The following EPS15 variants were observed in gnomAD, a reference collection of about 807,000 sequenced individuals.
EPS15 encodes the protein epidermal growth factor receptor pathway substrate 15.
A neutral mutation model predicts 113.8 loss-of-function variants in EPS15; 72 were observed. That is an observed-to-expected ratio of 0.63 (90% confidence interval 0.52 to 0.77). EPS15 has a LOEUF of 0.77. Ranked by LOEUF, EPS15 falls within the 30% of genes least tolerant of loss-of-function variation. The pLI is 0.00. For synonymous variants in EPS15, 344 were observed against 363.4 expected, an observed-to-expected ratio of 0.95 and a Z score of 0.61; for missense variants, 1,048 against 1,045.8, an observed-to-expected ratio of 1.00 and a Z score of -0.03.
At chr1:51,378,850 A>G (rs967249434) in intron 21 of EPS15, among the ~76,000 whole-genome samples, 1 of 152,036 alleles carries the variant, frequency 6.6e-6, no homozygotes, top group Middle Eastern at 3.4e-3. Context: ...GTTTGAGGGG[A>G]AAAAAAAGAA....
intron 8 of EPS15, among the ~76,000 whole-genome samples, chr1:51,453,286 A>G (rs1237734981): frequency 6.6e-6 from 1 of 152,242 alleles, no homozygotes; most frequent in Non-Finnish European, 1.5e-5. Flanking sequence ...ATCTGCTGCC[A>G]ATAGACAACA....
At chr1:51,477,166 T>A (rs1259647472) in intron 2 of EPS15, among the ~76,000 whole-genome samples, 1 of 152,236 alleles carries the variant, frequency 6.6e-6, no homozygotes, top group Non-Finnish European at 1.5e-5. Flanking sequence ...TACAACTTCT[T>A]CCTGGTTTAG....
chr1:51,357,376 G>GAAAA (rs56655497), intron 24 of EPS15, among the ~76,000 whole-genome samples: 75 of 33,100 alleles, frequency 2.3e-3, no homozygotes, highest in East Asian at 4.9e-3. Context: ...GATTCCATCT[G>GAAAA]AAAAAAAAAA....
At chr1:51,426,028 A>T (rs972601947) in intron 12 of EPS15, among the ~76,000 whole-genome samples, 2 of 152,094 alleles carry the variant, frequency 1.3e-5, no homozygotes, top group Non-Finnish European at 1.5e-5. Flanking sequence ...TCTACTCTCT[A>T]CTTTTAGAAA....
intron 5 of EPS15, among the ~76,000 whole-genome samples, chr1:51,466,135 A>G (rs532184129): frequency 6.6e-6 from 1 of 150,726 alleles, no homozygotes; most frequent in East Asian, 1.9e-4. Flanking sequence ...TAACATCAGC[A>G]TATGGTATGG....
At chr1:51,457,973 G>C (rs530919230) in intron 8 of EPS15, 1 of 152,222 alleles carries the variant, frequency 6.6e-6, no homozygotes, top group Admixed American at 6.5e-5. Context: ...ATCAATATAA[G>C]TGCTATTATC....
chr1:51,383,606 T>G (rs1177759552), intron 21 of EPS15, among the ~76,000 whole-genome samples: 1 of 152,172 alleles, frequency 6.6e-6, no homozygotes, highest in Non-Finnish European at 1.5e-5. Flanking sequence ...GAAGCGGAGC[T>G]CAGGCATTAG....
intron 1 of EPS15, among the ~76,000 whole-genome samples, chr1:51,483,537 G>T (rs115347238): frequency 0.042 from 6,361 of 152,036 alleles, 204 homozygotes; most frequent in Middle Eastern, 0.11. Context: ...GCCAGGCACG[G>T]TGGCATGTGC....
intron 12 of EPS15, among the ~76,000 whole-genome samples, chr1:51,436,751 A>G (rs1652181588): frequency 6.6e-6 from 1 of 152,164 alleles, no homozygotes; most frequent in South Asian, 2.1e-4. Flanking sequence ...TTCAACAGAC[A>G]TTTCAAAGGT....
chr1:51,443,383 C>A (rs372351319), intron 11 of EPS15, among the ~76,000 whole-genome samples: 1 of 151,726 alleles, frequency 6.6e-6, no homozygotes, highest in African/African-American at 2.4e-5. Flanking sequence ...AGTTATATAG[C>A]AAAGAGCAAA....
intron 21 of EPS15, among the ~76,000 whole-genome samples, chr1:51,389,805 G>T (rs1357674035): frequency 7.2e-5 from 11 of 152,200 alleles, no homozygotes; most frequent in African/African-American, 2.7e-4. Flanking sequence ...ACTGCTCAAT[G>T]AAATAAAAGA....
chr1:51,360,071 G>A (rs190872379), intron 24 of EPS15, among the ~76,000 whole-genome samples: 1 of 152,252 alleles, frequency 6.6e-6, no homozygotes, highest in East Asian at 1.9e-4. Flanking sequence ...ACAGGCGTGA[G>A]CCACCACGCC....
At chr1:51,374,996 CTTTT>C (rs761941054) in intron 21 of EPS15, among the ~76,000 whole-genome samples, 43 of 108,770 alleles carry the variant, frequency 4.0e-4, no homozygotes, top group African/African-American at 1.3e-3. Flanking sequence ...TAATATACTT[CTTTT>C]TTTTTTTTTT....
intron 21 of EPS15, among the ~76,000 whole-genome samples, chr1:51,380,159 C>T (rs776604893): frequency 2.0e-5 from 3 of 150,902 alleles, no homozygotes; most frequent in East Asian, 3.9e-4. Flanking sequence ...AGGAGGCAGA[C>T]GTTGCAGTGA....
intron 21 of EPS15, among the ~76,000 whole-genome samples, chr1:51,392,041 G>T (rs1398970150): frequency 2.6e-5 from 4 of 152,070 alleles, no homozygotes; most frequent in African/African-American, 9.7e-5. Flanking sequence ...TCCCCCAAGG[G>T]AGTACAGATA....
intron 21 of EPS15, among the ~76,000 whole-genome samples, chr1:51,367,869 C>T (rs79067413): frequency 1.3e-5 from 2 of 152,204 alleles, no homozygotes; most frequent in South Asian, 2.1e-4. Context: ...CAGTGGCTCA[C>T]GCCTGTAATC....
Position 51,354,517 on chromosome 1 carries a change from C to T in EPS15, c.*2183G>A, listed in dbSNP as rs952947844. On this transcript the variant is annotated 3_prime_UTR_variant, in exon 25 of 25. Coordinates refer to ENST00000371733, the MANE Select transcript of EPS15 (RefSeq NM_001981.3). ...TTAAGAGAAAATTCTATAAAGAGAG[C>T]TCAAATAAACATGAATCAGTATGTA... 23 of 183,590 alleles carry T rather than the reference C, an allele frequency of 1.3e-4. No individual in the cohort carries two copies. The highest frequency in any genetic ancestry group is 5.4e-4 in the African/African-American group (23 of 42,502). The allele number at this position is 183,590 out of a possible 1,614,324, so 11.4% of individuals were successfully genotyped here. A position where few individuals can be genotyped will look rare whatever the true frequency, so the allele number is the denominator to read the frequency against.
At chr1:51,382,054 G>A (rs796636416) in intron 21 of EPS15, among the ~76,000 whole-genome samples, 1 of 152,074 alleles carries the variant, frequency 6.6e-6, no homozygotes, top group South Asian at 2.1e-4. Flanking sequence ...ATTCCTAGAT[G>A]GGCTAAGAAA....
At chr1:51,463,439 A>G in intron 7 of EPS15, 1 of 348,784 alleles carries the variant, frequency 2.9e-6, no homozygotes, top group East Asian at 5.1e-5. Flanking sequence ...GACCTACTTA[A>G]GGGGCTTACA....
Sources: allele counts gnomAD v4.1 joint callset (sites outside exome capture counted in the v4.1 genomes callset), GRCh38; gene constraint gnomAD v4.1.1; transcripts MANE v1.5; gene names NCBI Gene and HGNC (gene_info 2026-07-23, HGNC 2026-07-21).